PPP4R3B: variants seen among roughly 807,000 people sequenced by gnomAD.
PPP4R3B encodes protein phosphatase 4 regulatory subunit 3B, also known as serine/threonine-protein phosphatase 4 regulatory subunit 3B.
PPP4R3B carries 52 observed loss-of-function variants against 95.4 expected under a neutral mutation model. The observed-to-expected ratio is 0.54, with a 90% CI of 0.44 to 0.69. The LOEUF (loss-of-function observed/expected upper bound fraction) is 0.69, where lower values mean the gene tolerates loss of function less well. Among genes scored for constraint, PPP4R3B ranks in the 30% least tolerant of loss-of-function variants. The pLI is 0.00. For synonymous variants in PPP4R3B, 407 were observed against 343.9 expected (o/e 1.18, Z -2.03); for missense variants, 1,003 against 1,005.9 (o/e 1.00, Z 0.04).
intron 9 of PPP4R3B, among the ~76,000 whole-genome samples, chr2:55,579,359 G>C (rs541196464): frequency 1.3e-5 from 2 of 151,778 alleles, no homozygotes; most frequent in East Asian, 1.9e-4. Context: ...CTTTTGATAA[G>C]TGTCTACATA....
In PPP4R3B at chr2:55,598,533, C is replaced by T; in HGVS notation, c.804G>A (p.Arg268=). 1 of 1,613,888 alleles carries T rather than the reference C, an allele frequency of 6.2e-7. No individual in the cohort carries two copies. The highest frequency in any genetic ancestry group is 8.5e-7 in the Non-Finnish European group (1 of 1,179,992). The change falls in exon 4 of 17, where the codon AGG becomes AGA. Residue 268 remains arginine (R), a synonymous_variant. Coordinates refer to ENST00000616407, the MANE Select transcript of PPP4R3B (RefSeq NM_001122964.3). ...AAATGATGTCCTGAATGTACTGTAC[C>T]CTGTAAGTCTGATGTATTTTTTGCC... ...ELRQKIHQTY[R]VQYIQDIILP...
At chr2:55,551,978 T>C (rs948201030) in intron 16 of PPP4R3B, among the ~76,000 whole-genome samples, 1 of 152,188 alleles carries the variant, frequency 6.6e-6, no homozygotes, top group African/African-American at 2.4e-5. Context: ...ACAGCAAAGT[T>C]ACAAAGTTTT....
chr2:55,555,277 C>CAA (rs1558936057), intron 16 of PPP4R3B, among the ~76,000 whole-genome samples: 5 of 50,220 alleles, frequency 1.0e-4, no homozygotes, highest in Admixed American at 9.6e-4. Flanking sequence ...AAGACTCCGT[C>CAA]TAAAAAAAAA....
intron 4 of PPP4R3B, among the ~76,000 whole-genome samples, chr2:55,598,102 C>G (rs1229651081): frequency 6.6e-6 from 1 of 152,038 alleles, no homozygotes; most frequent in Non-Finnish European, 1.5e-5. Flanking sequence ...CACCTGTAGT[C>G]TCAGCTAATC....
At chr2:55,612,276 C>G (rs148063859) in intron 2 of PPP4R3B, among the ~76,000 whole-genome samples, 1 of 152,128 alleles carries the variant, frequency 6.6e-6, no homozygotes, top group Non-Finnish European at 1.5e-5. Flanking sequence ...TACTGAACAA[C>G]AGACTTCATG....
intron 16 of PPP4R3B, among the ~76,000 whole-genome samples, chr2:55,557,010 C>T (rs1685928426): frequency 6.6e-6 from 1 of 152,160 alleles, no homozygotes; most frequent in South Asian, 2.1e-4. Flanking sequence ...AGGCAGTGAG[C>T]TGTGATCACA....
chr2:55,568,384 G>A, intron 12 of PPP4R3B, 21 bp from the exon 13 acceptor site: 1 of 1,566,100 alleles, frequency 6.4e-7, no homozygotes. Context: ...ATAATATAGG[G>A]AATAAGTTAA....
intron 2 of PPP4R3B, chr2:55,615,242 C>T (rs1049313331): frequency 5.9e-6 from 3 of 510,716 alleles, no homozygotes; most frequent in Admixed American, 7.8e-5. Flanking sequence ...TAGAATAAAC[C>T]GACAGTGGCT....
chr2:55,598,348 C>T (rs1417097000), intron 4 of PPP4R3B, 68 bp downstream of exon 4: 1 of 1,489,182 alleles, frequency 6.7e-7, no homozygotes, highest in Non-Finnish European at 9.1e-7. Context: ...GGTATAAACA[C>T]CTGCTTGAAC....
At chr2:55,565,856 A>G (rs1687228059) in intron 13 of PPP4R3B, 1 of 156,146 alleles carries the variant, frequency 6.4e-6, no homozygotes, top group Non-Finnish European at 1.4e-5. Context: ...CACACACAGA[A>G]GAAGAAAAAA....
At chr2:55,589,691 G>A (rs1324344514) in intron 4 of PPP4R3B, among the ~76,000 whole-genome samples, 4 of 151,858 alleles carry the variant, frequency 2.6e-5, no homozygotes, top group East Asian at 1.9e-4. Flanking sequence ...CGAGGCGGGC[G>A]GATCACGAGG....
rs1688844104 is a variant in PPP4R3B at position 55,577,508 on chromosome 2, T to C, written c.1565-152A>G. 3 of 787,742 alleles carry C rather than the reference T, an allele frequency of 3.8e-6. No homozygotes were observed. The South Asian group carries it at 1.6e-4, about 41-fold the overall frequency. The allele number at this position is 787,742 out of a possible 1,614,324, so 48.8% of individuals were successfully genotyped here. A position where few individuals can be genotyped will look rare whatever the true frequency, so the allele number is the denominator to read the frequency against. On this transcript the variant is annotated intron_variant, in intron 10 of 16. Transcript: ENST00000616407. ...AGACTTGGTTGCTTCAGCAAAATTATAACTATATCTGCAATCTTTTACAAA... is the reference window on the plus strand; with the variant it reads ...AGACTTGGTTGCTTCAGCAAAATTACAACTATATCTGCAATCTTTTACAAA...
chr2:55,571,181 G>T (rs535995148), intron 12 of PPP4R3B, among the ~76,000 whole-genome samples: 4 of 152,036 alleles, frequency 2.6e-5, no homozygotes, highest in Non-Finnish European at 5.9e-5. Context: ...GTGGTGGCAG[G>T]CACTTGTAAT....
intron 8 of PPP4R3B, among the ~76,000 whole-genome samples, chr2:55,580,245 T>A (rs1689273345): frequency 6.6e-6 from 1 of 152,166 alleles, no homozygotes; most frequent in Admixed American, 6.5e-5. Context: ...CAGTAGATTT[T>A]AAGTGTTCTC....
chr2:55,580,466 G>A (rs1330950861), intron 8 of PPP4R3B, among the ~76,000 whole-genome samples: 4 of 152,182 alleles, frequency 2.6e-5, no homozygotes, highest in South Asian at 4.1e-4. Flanking sequence ...ATCTGTTTTG[G>A]AAGAATAAAA....
At chr2:55,556,493 AT>A (rs1685860764) in intron 16 of PPP4R3B, among the ~76,000 whole-genome samples, 1 of 152,196 alleles carries the variant, frequency 6.6e-6, no homozygotes, top group Admixed American at 6.5e-5. Flanking sequence ...TTGACATATT[AT>A]TAGAAATAGA....
chr2:55,568,780 T>TGGGGGCACTGTCATTAAG (rs1394263667), intron 12 of PPP4R3B, among the ~76,000 whole-genome samples: 2 of 152,074 alleles, frequency 1.3e-5, no homozygotes, highest in Non-Finnish European at 2.9e-5. Flanking sequence ...TCAGAATCAG[T>TGGGGGCACTGTCATTAAG]GGGGGCACTG....
At chr2:55,566,167 C>A (rs1291090788) in intron 13 of PPP4R3B, among the ~76,000 whole-genome samples, 1 of 151,836 alleles carries the variant, frequency 6.6e-6, no homozygotes, top group Non-Finnish European at 1.5e-5. Flanking sequence ...AAAGATACAC[C>A]ATAATTTGGT....
chr2:55,564,451 C>T lies in PPP4R3B; in HGVS notation c.2122G>A (p.Ala708Thr), dbSNP rs1264115901. The change falls in exon 15 of 17, where the codon GCC (alanine) becomes ACC (threonine). Residue 708 changes from alanine (A) to threonine (T), a missense_variant. Ala to Thr is a moderately conservative substitution (Grantham distance 58). Transcript: ENST00000616407. ...CACATTTCTTCATCCTCTTCCAAGGCTTTTGCATCTCTGCGAAATCTGTTA... is the reference window on the plus strand; with the variant it reads ...CACATTTCTTCATCCTCTTCCAAGGTTTTTGCATCTCTGCGAAATCTGTTA... ...RSNRFRRDAK[A>T]LEEDEEMWFN... 6.2e-7 allele frequency: 1 copy of T among 1,612,828 alleles called. No individual in the cohort carries two copies. The highest frequency in any genetic ancestry group is 1.3e-5 in the African/African-American group (1 of 74,830).
Sources: allele counts gnomAD v4.1 joint callset (sites outside exome capture counted in the v4.1 genomes callset), GRCh38; gene constraint gnomAD v4.1.1; transcripts MANE v1.5; gene names NCBI Gene and HGNC (gene_info 2026-07-23, HGNC 2026-07-21).